Variants in GGA2 observed in about 807,000 individuals in gnomAD.
The protein encoded by GGA2 is golgi associated, gamma adaptin ear containing, ARF binding protein 2, also known as ADP-ribosylation factor-binding protein GGA2.
GGA2 carries 48 observed loss-of-function variants against 79.5 expected under a neutral mutation model. The observed-to-expected ratio is 0.60, with a 90% CI of 0.48 to 0.77. GGA2 has a LOEUF of 0.77. Among genes scored for constraint, GGA2 ranks in the 30% least tolerant of loss-of-function variants. GGA2 has a pLI of 0.00. For synonymous variants in GGA2, 317 were observed against 302.0 expected, an observed-to-expected ratio of 1.05 and a Z score of -0.51; for missense variants, 770 against 774.0, an observed-to-expected ratio of 0.99 and a Z score of 0.06.
At chr16:23,510,578 G>A (rs1596998923), upstream of GGA2, 14 of 387,408 alleles carry the variant, frequency 3.6e-5, no homozygotes, top group East Asian at 4.9e-4. Context: ...GGGACCGGCC[G>A]GAACATTTCT....
rs529020233 is a variant in GGA2, at chr16:23,472,482, G to A, written c.1451-2317C>T. Among the ~76,000 whole-genome samples, 14 of 151,736 alleles carry A rather than the reference G, an allele frequency of 9.2e-5. 1 individual carries two copies. The highest frequency in any genetic ancestry group is 3.1e-4 in the African/African-American group (13 of 41,450). ...CAACGTGCTGGGATTACAGGCATGA[G>A]CCACCACACCCAGCCTGTAGCCCTG... is the stretch of plus-strand genomic sequence containing the variant. On this transcript the variant is annotated intron_variant, in intron 14 of 16. Coordinates refer to ENST00000309859, the MANE Select transcript of GGA2 (RefSeq NM_015044.4).
chr16:23,501,351 G>C (rs1964919654), intron 1 of GGA2: 1 of 456,722 alleles, frequency 2.2e-6, no homozygotes, highest in African/African-American at 2.0e-5. Context: ...GGTCTGTGGA[G>C]TGTGGATGAC....
chr16:23,474,639 T>C (rs947066101), intron 14 of GGA2, among the ~76,000 whole-genome samples: 27 of 151,942 alleles, frequency 1.8e-4, no homozygotes, highest in Middle Eastern at 3.4e-3. Flanking sequence ...CCCCCCCAAA[T>C]AGAGACAAGG....
chr16:23,491,849 G>A (rs1964792744), intron 4 of GGA2, 49 bp from the exon 5 acceptor site: 1 of 1,339,484 alleles, frequency 7.5e-7, no homozygotes, highest in Non-Finnish European at 1.1e-6. Context: ...GGACTTGGGA[G>A]ACCGACACTT....
chr16:23,495,719 C>T lies in GGA2; in HGVS notation c.151G>A (p.Glu51Lys), dbSNP rs1452917444. The T allele has an allele frequency of 1.2e-6, 2 of 1,611,032 alleles. No homozygotes were observed. The highest frequency in any genetic ancestry group is 1.7e-6 in the Non-Finnish European group (2 of 1,177,374). The change falls in exon 2 of 17, where the codon GAG (glutamate) becomes AAG (lysine). Residue 51 changes from glutamate (E) to lysine (K), a missense_variant. Glu to Lys is a moderately conservative substitution (Grantham distance 56). Coordinates refer to ENST00000309859, the MANE Select transcript of GGA2 (RefSeq NM_015044.4). Reference protein sequence around the residue: ...QDWSAIQNFCEQVNTDPNGPT... With the variant: ...QDWSAIQNFCKQVNTDPNGPT... ...CCATTGGGGTCAGTGTTCACCTGCTCACAGAAATTCTGGATAGCTGACCAA... is the reference window on the plus strand; with the variant it reads ...CCATTGGGGTCAGTGTTCACCTGCTTACAGAAATTCTGGATAGCTGACCAA...
At chr16:23,484,502 T>C (rs1265312414) in intron 8 of GGA2, among the ~76,000 whole-genome samples, 1 of 152,112 alleles carries the variant, frequency 6.6e-6, no homozygotes, top group African/African-American at 2.4e-5. Context: ...GAGAAAACTG[T>C]CTGATAAGGA....
upstream of GGA2, chr16:23,510,558 C>CA (rs536540899): frequency 9.0e-5 from 35 of 389,738 alleles, 1 homozygote; most frequent in East Asian, 2.3e-4. Context: ...CCCAGGCCCC[C>CA]CCTCCACGCG....
At chr16:23,485,363 T>C (rs769558301) in intron 8 of GGA2, among the ~76,000 whole-genome samples, 1 of 152,192 alleles carries the variant, frequency 6.6e-6, no homozygotes, top group Non-Finnish European at 1.5e-5. Flanking sequence ...AAAGATGCTA[T>C]ATAAAAACCA....
At chr16:23,481,515 G>GT (rs1173608604) in intron 9 of GGA2, among the ~76,000 whole-genome samples, 2 of 152,010 alleles carry the variant, frequency 1.3e-5, no homozygotes, top group African/African-American at 4.8e-5. Flanking sequence ...GTTCACGCCT[G>GT]TAATCCCAGC....
At chr16:23,480,550 T>C (rs781321063) in intron 10 of GGA2, 95 bp downstream of exon 10, 2 of 1,071,292 alleles carry the variant, frequency 1.9e-6, no homozygotes, top group South Asian at 1.6e-5. Context: ...CTCATTTCTA[T>C]TCCTTAACCC....
upstream of GGA2, chr16:23,524,155 T>G (rs1175480363): frequency 5.0e-6 from 3 of 594,794 alleles, no homozygotes; most frequent in Admixed American, 3.0e-5. Flanking sequence ...CTTTCCAGAG[T>G]CCAGGAGGTT....
rs1487781617 is a variant in GGA2, at chr16:23,463,588, A to G, written c.*4002T>C. ...TCAGCTGATTTTAGAAAGCTCAGAA[A>G]AAATTTAAAGAAAATTTATCTATAA... On this transcript the variant is annotated 3_prime_UTR_variant, in exon 17 of 17. Transcript: ENST00000309859. 6.6e-6 allele frequency: 1 copy of G among 152,228 alleles called. No homozygotes were observed. Among genetic ancestry groups the G allele is most frequent in the East Asian group, 1.9e-4 (1 of 5,196 alleles). 9.4% of individuals were successfully genotyped at this position (152,228 alleles called of 1,614,324 possible). A position where few individuals can be genotyped will look rare whatever the true frequency, so the allele number is the denominator to read the frequency against.
upstream of GGA2, among the ~76,000 whole-genome samples, chr16:23,514,455 C>CT (rs901830288): frequency 1.3e-3 from 188 of 147,488 alleles, 9 homozygotes; most frequent in East Asian, 1.6e-3. Context: ...TCTTGTTAGC[C>CT]TTTTTTTTTT....
At position 23,521,547 on chromosome 16, in the gene GGA2, T is replaced by C. The variant is rs1362675121; in HGVS notation, c.8+246A>G. 2.6e-5 allele frequency among the ~76,000 whole-genome samples: 4 copies of C among 152,060 alleles called. No individual in the cohort carries two copies. The East Asian group carries it at 7.7e-4, about 29-fold the overall frequency. On this transcript the variant is annotated intron_variant, in intron 1 of 5. Transcript: ENST00000569300. ...CCAAGTAGCTGGGACTACAGGCATA[T>C]GTCACCTCACCTGGCTAATTTTTAA...
chr16:23,510,648 G>C (rs1318022151), upstream of GGA2, among the ~76,000 whole-genome samples: 1 of 152,238 alleles, frequency 6.6e-6, no homozygotes, highest in Admixed American at 6.5e-5. Flanking sequence ...ACGGTTGCCA[G>C]ATAAAATACA....
At chr16:23,512,633 A>G (rs1046687111), upstream of GGA2, among the ~76,000 whole-genome samples, 3 of 150,640 alleles carry the variant, frequency 2.0e-5, no homozygotes, top group African/African-American at 7.3e-5. Context: ...TGATCTATAC[A>G]TGATGTCCAT....
At chr16:23,510,552 G>GC (rs1965032392), upstream of GGA2, 2 of 310,626 alleles carry the variant, frequency 6.4e-6, no homozygotes, top group Admixed American at 7.5e-5. Flanking sequence ...GCCCACCCCA[G>GC]GCCCCCCCTC....
At chr16:23,478,961 C>T in intron 11 of GGA2, 50 bp from the exon 12 acceptor site, 1 of 1,294,578 alleles carries the variant, frequency 7.7e-7, no homozygotes, top group Non-Finnish European at 1.1e-6. Context: ...CCACCTGCTT[C>T]CAGATGAAGA....
rs774236035 is a variant in GGA2 at position 23,478,905 on chromosome 16, C to T, written c.1136G>A (p.Ser379Asn). 1.9e-6 allele frequency: 3 copies of T among 1,604,672 alleles called. No individual in the cohort carries two copies. The highest frequency in any genetic ancestry group is 2.6e-6 in the Non-Finnish European group (3 of 1,171,696). Residue 379 changes from serine to asparagine, a missense_variant, in exon 12 of 17, where the codon AGT (serine) becomes AAT (asparagine). Transcript: ENST00000309859. The part of the protein sequence containing the change: ...LHQDLAALGI[S>N]DAPVTGMVSG... ...TACCATGCCTGTAACAGGAGCATCACTGATTCCTGTAAGAAAGGAGTAGAG... is the reference window on the plus strand; with the variant it reads ...TACCATGCCTGTAACAGGAGCATCATTGATTCCTGTAAGAAAGGAGTAGAG...
Sources: gnomAD v4.1 joint callset for allele counts (sites outside exome capture counted in the v4.1 genomes callset) on GRCh38, gnomAD v4.1.1 for gene constraint, MANE v1.5 for transcripts, NCBI Gene and HGNC (gene_info 2026-07-23, HGNC 2026-07-21) for gene names.